LRRC20: variants seen among roughly 807,000 people sequenced by gnomAD.
LRRC20 encodes leucine rich repeat containing 20, also known as leucine-rich repeat-containing protein 20.
A neutral mutation model predicts 14.4 loss-of-function variants in LRRC20; 11 were observed. The ratio of observed to expected loss-of-function variants is 0.77; its 90% CI spans 0.48 to 1.27. The LOEUF (loss-of-function observed/expected upper bound fraction) is 1.27. Among genes scored for constraint, LRRC20 ranks in the 50% most tolerant of loss-of-function variants. The pLI, the probability that LRRC20 is intolerant of heterozygous loss-of-function variation, is 0.00. For synonymous variants in LRRC20, 121 were observed against 107.3 expected (o/e 1.13, Z -0.79); for missense variants, 219 against 251.2 (o/e 0.87, Z 0.87).
intron 4 of LRRC20, among the ~76,000 whole-genome samples, chr10:70,308,423 T>G (rs570887071): frequency 4.6e-4 from 70 of 151,754 alleles, no homozygotes; most frequent in African/African-American, 1.6e-3. Flanking sequence ...GCAGCCAGGT[T>G]CCCTAACGGG....
chr10:70,300,807 A>C lies in LRRC20; in HGVS notation c.*547T>G. ...TCCTAGTTCAGGTTCCCACCAGTCC[A>C]GGGACCACAGGACTGAAGACTGGGC... On this transcript the variant is annotated 3_prime_UTR_variant, in exon 5 of 5. Coordinates refer to ENST00000446961, the MANE Select transcript of LRRC20 (RefSeq NM_001278212.2). 4 of 985,748 alleles carry C rather than the reference A, an allele frequency of 4.1e-6. No homozygotes were observed. The highest frequency in any genetic ancestry group is 4.8e-6 in the Non-Finnish European group (4 of 830,186). 61.1% of individuals were successfully genotyped at this position (985,748 alleles called of 1,614,324 possible).
chr10:70,304,470 T>TATATATATATATATATA (rs1841329027), intron 4 of LRRC20, among the ~76,000 whole-genome samples: 3 of 113,826 alleles, frequency 2.6e-5, no homozygotes, highest in Non-Finnish European at 3.8e-5. Context: ...GGCCACTTCT[T>TATATATATATATATATA]TATATATATA....
intron 4 of LRRC20, among the ~76,000 whole-genome samples, chr10:70,308,498 G>A (rs531805789): frequency 2.6e-5 from 4 of 152,306 alleles, no homozygotes; most frequent in South Asian, 4.1e-4. Context: ...GGCAGGCTCT[G>A]CGTATGAGAC....
chr10:70,363,386 A>T (rs1843831268), intron 2 of LRRC20, among the ~76,000 whole-genome samples: 1 of 152,146 alleles, frequency 6.6e-6, no homozygotes, highest in Non-Finnish European at 1.5e-5. Flanking sequence ...CCACCCACGG[A>T]GGACATGGTG....
chr10:70,313,946 A>T (rs1841760547), intron 4 of LRRC20, among the ~76,000 whole-genome samples: 1 of 152,160 alleles, frequency 6.6e-6, no homozygotes, highest in African/African-American at 2.4e-5. Flanking sequence ...GGTAACTTAT[A>T]AAGAAAAAGA....
intron 4 of LRRC20, among the ~76,000 whole-genome samples, chr10:70,305,640 C>T (rs1411953323): frequency 1.3e-5 from 2 of 152,146 alleles, no homozygotes; most frequent in Non-Finnish European, 2.9e-5. Context: ...GTCTCTTCCC[C>T]CCTCCTTTTT....
At chr10:70,324,974 T>C (rs1051625777) in intron 3 of LRRC20, among the ~76,000 whole-genome samples, 5 of 152,184 alleles carry the variant, frequency 3.3e-5, no homozygotes, top group African/African-American at 1.2e-4. Flanking sequence ...GGATTAAGTC[T>C]GTGAACACAG....
At chr10:70,352,435 G>A (rs1350789030) in intron 2 of LRRC20, among the ~76,000 whole-genome samples, 1 of 152,168 alleles carries the variant, frequency 6.6e-6, no homozygotes, top group African/African-American at 2.4e-5. Flanking sequence ...CATTTTATCA[G>A]TGGCAAGGGA....
intron 3 of LRRC20, 56 bp from the exon 4 acceptor site, chr10:70,324,086 C>T (rs1399077556): frequency 1.3e-6 from 2 of 1,542,104 alleles, no homozygotes; most frequent in African/African-American, 2.7e-5. Flanking sequence ...ACCCCGAGAC[C>T]ACAGTGACTG....
chr10:70,376,586 A>G lies in LRRC20; in HGVS notation c.-53T>C. On this transcript the variant is annotated 5_prime_UTR_variant, in exon 2 of 5. Coordinates refer to ENST00000446961, the MANE Select transcript of LRRC20 (RefSeq NM_001278212.2). ...CCCAGGCTGGTCTGCTTCTCACAAA[A>G]GGGCCTGAGCCTGGGGAAGACGCAG... 6.4e-7 allele frequency: 1 copy of G among 1,564,912 alleles called. No individual in the cohort carries two copies. The highest frequency in any genetic ancestry group is 1.7e-5 in the Admixed American group (1 of 59,852).
intron 2 of LRRC20, among the ~76,000 whole-genome samples, chr10:70,342,735 G>A (rs1251233306): frequency 2.0e-5 from 3 of 152,104 alleles, no homozygotes; most frequent in Admixed American, 1.3e-4. Context: ...CTTGCCACTC[G>A]ATCTAAAGCC....
chr10:70,381,016 G>A (rs1483602388), intron 1 of LRRC20, among the ~76,000 whole-genome samples: 1 of 152,218 alleles, frequency 6.6e-6, no homozygotes, highest in African/African-American at 2.4e-5. Context: ...GAGAGAGACA[G>A]GGAGCCAATG....
chr10:70,326,500 G>A lies in LRRC20; in HGVS notation c.233-2470C>T, dbSNP rs182381788. 7.2e-5 allele frequency among the ~76,000 whole-genome samples: 11 copies of A among 152,286 alleles called. No individual in the cohort carries two copies. In the East Asian group the frequency reaches 1.2e-3, roughly 16 times the overall value. ...AATAATGACTCTTCTCCCCTCAGGA[G>A]GCAGACAGTGCAGGGGGCCTGGACT... On this transcript the variant is annotated intron_variant, in intron 3 of 4. Coordinates refer to ENST00000446961, the MANE Select transcript of LRRC20 (RefSeq NM_001278212.2).
At position 70,300,754 on chromosome 10, in the gene LRRC20, C is replaced by A; in HGVS notation, c.*600G>T. ...TTCTTGCCCTGCAGCAGTGCCAGCC[C>A]ATATTCCCACCACAGCTCTCCCAGG... On this transcript the variant is annotated 3_prime_UTR_variant, in exon 5 of 5. Transcript: ENST00000446961. 1 of 985,750 alleles carries A rather than the reference C, an allele frequency of 1.0e-6. No individual in the cohort carries two copies. Among genetic ancestry groups the A allele is most frequent in the Non-Finnish European group, 1.2e-6 (1 of 830,200 alleles). The allele number at this position is 985,750 out of a possible 1,614,324, so 61.1% of individuals were successfully genotyped here. A position where few individuals can be genotyped will look rare whatever the true frequency, so the allele number is the denominator to read the frequency against.
intron 2 of LRRC20, among the ~76,000 whole-genome samples, chr10:70,358,601 A>C (rs902783555): frequency 1.3e-5 from 2 of 152,170 alleles, no homozygotes; most frequent in Non-Finnish European, 2.9e-5. Flanking sequence ...CCCCAGACAG[A>C]CACCACTGCC....
rs914662992 is a variant in LRRC20, at chr10:70,308,525, G to A, written c.401-7017C>T. On this transcript the variant is annotated intron_variant, in intron 4 of 4. Transcript: ENST00000446961. ...GTATGAGACCAGGGGCCCAGTCCAC[G>A]GCCTTGAATGCTGGGGGACACAGGA... 5.3e-5 allele frequency among the ~76,000 whole-genome samples: 8 copies of A among 152,162 alleles called. 1 individual carries two copies. Among genetic ancestry groups the A allele is most frequent in the Non-Finnish European group, 1.2e-4 (8 of 68,024 alleles).
At chr10:70,380,757 T>G (rs1251045080) in intron 1 of LRRC20, among the ~76,000 whole-genome samples, 1 of 152,120 alleles carries the variant, frequency 6.6e-6, no homozygotes, top group Non-Finnish European at 1.5e-5. Context: ...TTCCTCAGAG[T>G]GAGCATCCTG....
In LRRC20 at chr10:70,356,825, T is replaced by C. The variant is rs538732056; in HGVS notation, c.83-16123A>G. The stretch of plus-strand genomic sequence containing the variant: ...AAGATCGCGCCACTGCACTCCAGCC[T>C]GGGCAACAGAATGAGACTCCACCTC... On this transcript the variant is annotated intron_variant, in intron 2 of 4. Coordinates refer to ENST00000446961, the MANE Select transcript of LRRC20 (RefSeq NM_001278212.2). 1.5e-3 allele frequency among the ~76,000 whole-genome samples: 227 copies of C among 152,094 alleles called. 1 individual carries two copies. The highest frequency in any genetic ancestry group is 5.2e-3 in the African/African-American group (215 of 41,490).
At chr10:70,328,127 G>A (rs983214737) in intron 3 of LRRC20, among the ~76,000 whole-genome samples, 1 of 152,190 alleles carries the variant, frequency 6.6e-6, no homozygotes, top group South Asian at 2.1e-4. Flanking sequence ...CCTATTTATC[G>A]CAGGCTGTGA....
Sources: gnomAD v4.1 joint callset for allele counts (sites outside exome capture counted in the v4.1 genomes callset) on GRCh38, gnomAD v4.1.1 for gene constraint, MANE v1.5 for transcripts, NCBI Gene and HGNC (gene_info 2026-07-23, HGNC 2026-07-21) for gene names.